Variants in UBE2Q1 observed in about 807,000 individuals in gnomAD.
The protein encoded by UBE2Q1 is ubiquitin conjugating enzyme E2 Q1.
UBE2Q1 carries 6 observed loss-of-function variants against 60.1 expected under a neutral mutation model. The ratio of observed to expected loss-of-function variants is 0.10; its 90% CI spans 0.05 to 0.20. The LOEUF (loss-of-function observed/expected upper bound fraction) is 0.20, where lower values mean the gene tolerates loss of function less well. Ranked by LOEUF, UBE2Q1 falls within the 10% of genes least tolerant of loss-of-function variation. The pLI is 1.00. For missense variants in UBE2Q1, 262 were observed against 525.8 expected, an observed-to-expected ratio of 0.50 and a Z score of 4.91; for synonymous variants, 226 against 208.3, an observed-to-expected ratio of 1.09 and a Z score of -0.73.
Position 154,550,013 on chromosome 1 carries a change from A to C in UBE2Q1, c.*425T>G, listed in dbSNP as rs1031091994. 2 of 159,392 alleles carry C rather than the reference A, an allele frequency of 1.3e-5. No homozygotes were observed. Among genetic ancestry groups the C allele is most frequent in the Non-Finnish European group, 2.7e-5 (2 of 72,904 alleles). The allele number at this position is 159,392 out of a possible 1,614,324, so 9.9% of individuals were successfully genotyped here. ...ATTAACAAACTGTAATTGTTTTCCC[A>C]AAGATACATTTTTTTCATACACATC... is the stretch of plus-strand genomic sequence containing the variant. On this transcript the variant is annotated 3_prime_UTR_variant, in exon 13 of 13. Coordinates refer to ENST00000292211, the MANE Select transcript of UBE2Q1 (RefSeq NM_017582.7).
At chr1:154,551,229 G>T in intron 11 of UBE2Q1, 168 bp downstream of exon 11, 1 of 842,352 alleles carries the variant, frequency 1.2e-6, no homozygotes, top group Non-Finnish European at 1.9e-6. Flanking sequence ...GCCCCTAGGG[G>T]CCAAGGCACA....
chr1:154,551,360 C>T (rs1420296992), intron 11 of UBE2Q1, 37 bp downstream of exon 11: 6 of 1,605,680 alleles, frequency 3.7e-6, no homozygotes, highest in East Asian at 2.2e-5. Context: ...TACTTGGCTC[C>T]ACCCAGCCCC....
intron 10 of UBE2Q1, 86 bp downstream of exon 10, chr1:154,551,685 A>G: frequency 6.4e-7 from 1 of 1,574,342 alleles, no homozygotes; most frequent in Non-Finnish European, 8.7e-7. Context: ...CATCATGTCT[A>G]TCACCCAGCC....
At chr1:154,556,124 C>T (rs1324167405) in intron 1 of UBE2Q1, among the ~76,000 whole-genome samples, 160 bp from the exon 2 acceptor site, 7 of 149,440 alleles carry the variant, frequency 4.7e-5, no homozygotes, top group Non-Finnish European at 7.4e-5. Context: ...TCTAACCAAG[C>T]AGCTTCACAA....
chr1:154,555,130 TC>T, intron 3 of UBE2Q1: 2 of 549,738 alleles, frequency 3.6e-6, no homozygotes, highest in Non-Finnish European at 6.5e-6. Flanking sequence ...GGGGCCTGGG[TC>T]CCCAGTGGCC....
At position 154,551,427 on chromosome 1, in the gene UBE2Q1, C is replaced by G. The variant is rs1164779444; in HGVS notation, c.1140G>C (p.Gly380=). 6.2e-7 allele frequency: 1 copy of G among 1,614,038 alleles called. No homozygotes were observed. The highest frequency in any genetic ancestry group is 1.3e-5 in the African/African-American group (1 of 74,942). ...IMQISATLVK[G]KARVQFGANK... is the part of the protein sequence containing the mutation. ...TGGCTCCAAACTGCACTCGTGCTTT[C>G]CCCTTCACCAGTGTGGCACTGATCT... Residue 380 remains glycine, a synonymous_variant, in exon 11 of 13, where the codon GGG becomes GGC. Coordinates refer to ENST00000292211, the MANE Select transcript of UBE2Q1 (RefSeq NM_017582.7).
chr1:154,555,941 G>C lies in UBE2Q1; in HGVS notation c.351C>G (p.Pro117=), dbSNP rs913663022. Residue 117 remains proline, a synonymous_variant, in exon 2 of 13, where the codon CCC becomes CCG. Coordinates refer to ENST00000292211, the MANE Select transcript of UBE2Q1 (RefSeq NM_017582.7). ...NITESYPAVP[P]IWSVESDDPN... Reference sequence around the variant, plus strand: ...GGTCATCAGACTCCACCGACCAGATGGGGGGCACAGCAGGGTATGACTCCT... The same window carrying C: ...GGTCATCAGACTCCACCGACCAGATCGGGGGCACAGCAGGGTATGACTCCT... The C allele has an allele frequency of 8.7e-6, 14 of 1,613,862 alleles. No homozygotes were observed. In the East Asian group the frequency reaches 1.1e-4, roughly 13 times the overall value.
At chr1:154,552,848 C>A in intron 5 of UBE2Q1, 28 bp from the exon 6 acceptor site, 2 of 1,612,640 alleles carry the variant, frequency 1.2e-6, no homozygotes, top group South Asian at 2.2e-5. Context: ...CAGGAACATT[C>A]CTTGGTCGTG....
chr1:154,557,730 T>A (rs2149363117), intron 1 of UBE2Q1, among the ~76,000 whole-genome samples: 1 of 152,112 alleles, frequency 6.6e-6, no homozygotes, highest in Non-Finnish European at 1.5e-5. Flanking sequence ...AGCAAGAGGG[T>A]CTGCATGAGG....
chr1:154,552,043 A>G (rs1695798047), intron 8 of UBE2Q1, 50 bp downstream of exon 8: 1 of 1,613,848 alleles, frequency 6.2e-7, no homozygotes, highest in Non-Finnish European at 8.5e-7. Context: ...ACTGTCAGGC[A>G]GACTGGGCAG....
rs1415190563 is a variant in UBE2Q1 at position 154,548,653 on chromosome 1, G to T, written c.*1785C>A. 1 of 152,624 alleles carries T rather than the reference G, an allele frequency of 6.6e-6. No homozygotes were observed. The highest frequency in any genetic ancestry group is 2.4e-5 in the African/African-American group (1 of 41,432). 9.5% of individuals were successfully genotyped at this position (152,624 alleles called of 1,614,324 possible). A position where few individuals can be genotyped will look rare whatever the true frequency, so the allele number is the denominator to read the frequency against. ...TACAAAATACATTATACAGAAGACAGCTCACAGTACACATTACTAAAAACA... is the reference window on the plus strand; with the variant it reads ...TACAAAATACATTATACAGAAGACATCTCACAGTACACATTACTAAAAACA... On this transcript the variant is annotated 3_prime_UTR_variant, in exon 13 of 13. Transcript: ENST00000292211.
In UBE2Q1 at chr1:154,549,469, C is replaced by T. The variant is rs2149360826; in HGVS notation, c.*969G>A. ...AGAGAGGGAGGTGAGCAAAGCTTAC[C>T]AATGATCACCATCCAGTGCTGGTTA... On this transcript the variant is annotated 3_prime_UTR_variant, in exon 13 of 13. Transcript: ENST00000292211. The T allele has an allele frequency of 6.6e-6, 1 of 152,528 alleles. No individual in the cohort carries two copies. Among genetic ancestry groups the T allele is most frequent in the East Asian group, 1.9e-4 (1 of 5,204 alleles). 9.4% of individuals were successfully genotyped at this position (152,528 alleles called of 1,614,324 possible).
In UBE2Q1 at chr1:154,550,421, A is replaced by C; in HGVS notation, c.*17T>G. ...TCCAGTGGTGCCTGGGGAGGGAGGAAGGGTGATACTCCAGGGTTAGCCGTC... is the reference window on the plus strand; with the variant it reads ...TCCAGTGGTGCCTGGGGAGGGAGGACGGGTGATACTCCAGGGTTAGCCGTC... On this transcript the variant is annotated 3_prime_UTR_variant, in exon 13 of 13. Transcript: ENST00000292211. 6.2e-7 allele frequency: 1 copy of C among 1,614,064 alleles called. No homozygotes were observed. The highest frequency in any genetic ancestry group is 8.5e-7 in the Non-Finnish European group (1 of 1,179,958).
chr1:154,550,272 T>C lies in UBE2Q1; in HGVS notation c.*166A>G. The C allele has an allele frequency of 1.0e-6, 1 of 952,790 alleles. No individual in the cohort carries two copies. The allele number at this position is 952,790 out of a possible 1,614,324, so 59.0% of individuals were successfully genotyped here. On this transcript the variant is annotated 3_prime_UTR_variant, in exon 13 of 13. Transcript: ENST00000292211. ...TGAAACAGTTCTGTGTTTGTTTTTT[T>C]TCCTTAGCGTTTAGAATAGCCATCA...
Position 154,551,481 on chromosome 1 carries a change from A to G in UBE2Q1, c.1086T>C (p.Ser362=). ...TGATCACTGACTCTATGGAGTAGGC[A>G]CTGCTCCAGCCCTGGGTGAAGGGAA... is the stretch of plus-strand genomic sequence containing the variant. ...MELLTKQGWS[S]AYSIESVIMQ... Residue 362 remains serine, a synonymous_variant, in exon 11 of 13, where the codon AGT becomes AGC. Coordinates refer to ENST00000292211, the MANE Select transcript of UBE2Q1 (RefSeq NM_017582.7). 6.2e-7 allele frequency: 1 copy of G among 1,613,948 alleles called. No individual in the cohort carries two copies. Among genetic ancestry groups the G allele is most frequent in the South Asian group, 1.1e-5 (1 of 91,074 alleles).
intron 7 of UBE2Q1, 93 bp from the exon 8 acceptor site, chr1:154,552,276 C>A: frequency 6.3e-7 from 1 of 1,593,846 alleles, no homozygotes; most frequent in Non-Finnish European, 8.6e-7. Context: ...GACCACGAAA[C>A]CACTGCCCAC....
At chr1:154,553,298 G>A in intron 4 of UBE2Q1, 126 bp from the exon 5 acceptor site, 1 of 1,283,868 alleles carries the variant, frequency 7.8e-7, no homozygotes, top group East Asian at 2.5e-5. Context: ...AGTCCATCTA[G>A]CAGTCTTATA....
Position 154,549,232 on chromosome 1 carries a change from ATC to A in UBE2Q1, c.*1204_*1205del, listed in dbSNP as rs1290542307. ...CATACAACACAGCACTGACAGTTCC[ATC>A]TCAGTACAGACTCCCCACCTCATCT... On this transcript the variant is annotated 3_prime_UTR_variant, in exon 13 of 13. Coordinates refer to ENST00000292211, the MANE Select transcript of UBE2Q1 (RefSeq NM_017582.7). 6.6e-6 allele frequency: 1 copy of A among 152,312 alleles called. No homozygotes were observed. Among genetic ancestry groups the A allele is most frequent in the Non-Finnish European group, 1.5e-5 (1 of 68,096 alleles). 9.4% of individuals were successfully genotyped at this position (152,312 alleles called of 1,614,324 possible).
At chr1:154,555,993 CA>C (rs769281420) in intron 1 of UBE2Q1, 29 bp from the exon 2 acceptor site, 126 of 1,601,584 alleles carry the variant, frequency 7.9e-5, no homozygotes, top group Non-Finnish European at 1.1e-4. Flanking sequence ...TAAGAGCAAT[CA>C]AAATGGGTGA....
Sources: allele counts gnomAD v4.1 joint callset (sites outside exome capture counted in the v4.1 genomes callset), GRCh38; gene constraint gnomAD v4.1.1; transcripts MANE v1.5; gene names NCBI Gene and HGNC (gene_info 2026-07-23, HGNC 2026-07-21).